CALR3: variants seen among roughly 807,000 people sequenced by gnomAD.
CALR3 encodes calreticulin 3.
In CALR3, 39 loss-of-function variants were observed where a neutral mutation model predicts 48.7. That is an observed-to-expected ratio of 0.80 (90% CI 0.62 to 1.05). The LOEUF (loss-of-function observed/expected upper bound fraction) is 1.05, where lower values mean the gene tolerates loss of function less well. CALR3 is among the 50% of genes least tolerant of loss of function. The probability of loss-of-function intolerance (pLI) is 0.00; values close to 1 mark genes in which losing one functional copy is unlikely to be tolerated. For missense variants in CALR3, 449 were observed against 474.7 expected (o/e 0.95, Z 0.50); for synonymous variants, 185 against 172.7 (o/e 1.07, Z -0.56).
At position 16,490,515 on chromosome 19, in the gene CALR3, C is replaced by T. The variant is rs570064234; in HGVS notation, c.249G>A (p.Pro83=). ...CCAGAGTTTTCCCTTTATTGCTGAA[C>T]GGTTTGAAGCGTGCAGAGATGGCAT... The part of the protein sequence containing the change: ...RFYAISARFK[P]FSNKGKTLVI... Residue 83 remains proline, a synonymous_variant, in exon 3 of 9, where the codon CCG becomes CCA. Coordinates refer to ENST00000269881, the MANE Select transcript of CALR3 (RefSeq NM_145046.5). 44 of 1,614,022 alleles carry T rather than the reference C, an allele frequency of 2.7e-5. No homozygotes were observed. Among genetic ancestry groups the T allele is most frequent in the Admixed American group, 5.0e-5 (3 of 59,992 alleles).
Position 16,483,948 on chromosome 19 carries a change from A to C in CALR3, c.660T>G (p.Thr220=). ...SPAESKDWEQ[T]KDNKAQDWEK... is the part of the protein sequence containing the mutation. ...TTCACACCTGGGCTTTGTTGTCTTT[A>C]GTCTGTTCCCAATCCTTCGATTCTG... The change falls in exon 5 of 9, where the codon ACT becomes ACG. Residue 220 remains threonine (T), a synonymous_variant. Transcript: ENST00000269881. 1 of 1,614,050 alleles carries C rather than the reference A, an allele frequency of 6.2e-7. No homozygotes were observed. The highest frequency in any genetic ancestry group is 1.1e-5 in the South Asian group (1 of 91,078).
rs1359761399 is a variant in CALR3 at position 16,495,763 on chromosome 19, CTT to C, written c.179_180del (p.Lys60ArgfsTer4). ...ATTCTACACTAACCTTTATCTTTCT[CTT>C]TATGACCATAAAACTTGCCCGACGA... ...RLSSGKFYGH[K>X]EKDKGLQTTQ... On this transcript the variant is annotated frameshift_variant, in exon 2 of 9. Transcript: ENST00000269881. LOFTEE classifies it high-confidence loss of function. The C allele has an allele frequency of 3.4e-5, 55 of 1,613,410 alleles. No individual in the cohort carries two copies. Among genetic ancestry groups the C allele is most frequent in the Non-Finnish European group, 4.6e-5 (54 of 1,179,436 alleles).
At chr19:16,480,875 G>T (rs1302582210) in intron 7 of CALR3, among the ~76,000 whole-genome samples, 169 bp from the exon 8 acceptor site, 1 of 152,012 alleles carries the variant, frequency 6.6e-6, no homozygotes, top group Non-Finnish European at 1.5e-5. Flanking sequence ...TCTGGGCTTG[G>T]CCAGGCGTGG....
intron 1 of CALR3, 37 bp downstream of exon 1, chr19:16,496,002 G>A (rs1354918278): frequency 6.4e-7 from 1 of 1,570,104 alleles, no homozygotes; most frequent in Non-Finnish European, 8.7e-7. Flanking sequence ...AGATGGGGGA[G>A]CTTACACCTC....
chr19:16,486,250 A>T (rs1177370588), intron 3 of CALR3, among the ~76,000 whole-genome samples: 1 of 151,038 alleles, frequency 6.6e-6, no homozygotes, highest in Non-Finnish European at 1.5e-5. Context: ...CAGGAAGTGG[A>T]GGTTGCAGTG....
chr19:16,479,091 A>G lies in CALR3; in HGVS notation c.*40T>C, dbSNP rs2093376049. On this transcript the variant is annotated 3_prime_UTR_variant, in exon 9 of 9. Transcript: ENST00000269881. The stretch of plus-strand genomic sequence containing the variant: ...GTTTGAAACATAGATTAAAGTAGCA[A>G]TGAGATTTTACCAGTCATCCTTATA... 3 of 1,611,150 alleles carry G rather than the reference A, an allele frequency of 1.9e-6. No individual in the cohort carries two copies. Among genetic ancestry groups the G allele is most frequent in the Non-Finnish European group, 8.5e-7 (1 of 1,177,464 alleles).
rs1226382801 is a variant in CALR3 at position 16,490,425 on chromosome 19, A to G, written c.339T>C (p.Phe113=). The part of the protein sequence containing the change: ...MDCGGGYIKV[F]PADIDQKNLN... The stretch of plus-strand genomic sequence containing the variant: ...GGTTCTTCTGGTCAATGTCTGCAGG[A>G]AAGACCTTAATGTAGCCCCCTCCAC... The change falls in exon 3 of 9, where the codon TTT becomes TTC. Residue 113 remains phenylalanine, a synonymous_variant. Transcript: ENST00000269881. 6.2e-7 allele frequency: 1 copy of G among 1,614,066 alleles called. No homozygotes were observed. Among genetic ancestry groups the G allele is most frequent in the Non-Finnish European group, 8.5e-7 (1 of 1,180,048 alleles).
intron 3 of CALR3, among the ~76,000 whole-genome samples, chr19:16,488,304 G>A (rs926911327): frequency 3.9e-5 from 6 of 151,984 alleles, no homozygotes; most frequent in Non-Finnish European, 7.4e-5. Context: ...AGCTGGTCTC[G>A]AACTCCTGGA....
intron 5 of CALR3, among the ~76,000 whole-genome samples, chr19:16,483,431 G>A (rs2093384057): frequency 6.6e-6 from 1 of 152,084 alleles, no homozygotes; most frequent in Admixed American, 6.6e-5. Flanking sequence ...AAAAGTGATG[G>A]TGATGGCCAG....
intron 3 of CALR3, among the ~76,000 whole-genome samples, chr19:16,487,706 C>T (rs192992408): frequency 1.1e-3 from 171 of 152,040 alleles, no homozygotes; most frequent in African/African-American, 3.9e-3. Flanking sequence ...GGTGCAATCT[C>T]GGCTAACCAT....
At chr19:16,494,237 A>G (rs545550545) in intron 2 of CALR3, among the ~76,000 whole-genome samples, 39 of 151,104 alleles carry the variant, frequency 2.6e-4, no homozygotes, top group Non-Finnish European at 5.6e-4. Context: ...ACTTTTTTGT[A>G]TTTTTGTGGA....
intron 6 of CALR3, 46 bp from the exon 7 acceptor site, chr19:16,482,627 C>A (rs371703371): frequency 1.2e-6 from 2 of 1,614,048 alleles, no homozygotes; most frequent in Non-Finnish European, 1.7e-6. Flanking sequence ...ACATGGGCAG[C>A]GGAGGGGCAG....
chr19:16,485,266 A>C lies in CALR3; in HGVS notation c.398-9T>G. The stretch of plus-strand genomic sequence containing the variant: ...TCCACAAATATCGGGTCCTACAAAA[A>C]AGATTAGCTGCTCTCAATTTCTTTC... On this transcript the variant is annotated splice_polypyrimidine_tract_variant and intron_variant, in intron 3 of 8. Coordinates refer to ENST00000269881, the MANE Select transcript of CALR3 (RefSeq NM_145046.5). 6.5e-7 allele frequency: 1 copy of C among 1,542,982 alleles called. No individual in the cohort carries two copies. The highest frequency in any genetic ancestry group is 9.0e-7 in the Non-Finnish European group (1 of 1,115,906).
intron 5 of CALR3, among the ~76,000 whole-genome samples, chr19:16,483,016 T>C (rs2093383527): frequency 6.6e-6 from 1 of 151,900 alleles, no homozygotes; most frequent in Admixed American, 6.6e-5. Context: ...GGCTACTATT[T>C]TTATGTTTTG....
intron 3 of CALR3, among the ~76,000 whole-genome samples, chr19:16,487,569 C>T (rs922556095): frequency 2.7e-4 from 40 of 150,746 alleles, no homozygotes; most frequent in African/African-American, 9.2e-4. Context: ...AGTGATCCTC[C>T]CTTGATGTTT....
chr19:16,485,055 C>T, intron 4 of CALR3, 108 bp downstream of exon 4: 1 of 782,198 alleles, frequency 1.3e-6, no homozygotes, highest in Non-Finnish European at 2.2e-6. Flanking sequence ...GGTATGTCTA[C>T]AAAGACCCAT....
chr19:16,496,116 A>G lies in CALR3; in HGVS notation c.14T>C (p.Leu5Ser). The G allele has an allele frequency of 6.2e-7, 1 of 1,603,586 alleles. No individual in the cohort carries two copies. The highest frequency in any genetic ancestry group is 1.1e-5 in the South Asian group (1 of 89,366). ...CATGCATATGGCCCAGAGCTGGACC[A>G]AAGCCCGGGCCATGGGGGTGTGCAC... MARA[L>S]VQLWAICMLR... is the part of the protein sequence containing the mutation. Residue 5 changes from leucine to serine, a missense_variant, in exon 1 of 9, where the codon TTG becomes TCG. Coordinates refer to ENST00000269881, the MANE Select transcript of CALR3 (RefSeq NM_145046.5).
At chr19:16,491,402 G>A (rs2093397850) in intron 2 of CALR3, among the ~76,000 whole-genome samples, 2 of 151,484 alleles carry the variant, frequency 1.3e-5, no homozygotes, top group African/African-American at 2.4e-5. Context: ...GATTACAGGC[G>A]TGAGCCACCG....
At chr19:16,492,417 G>A (rs1857910738) in intron 2 of CALR3, among the ~76,000 whole-genome samples, 1 of 151,576 alleles carries the variant, frequency 6.6e-6, no homozygotes, top group South Asian at 2.1e-4. Flanking sequence ...AGCCTGGGTG[G>A]CAGGGCGAAA....
Sources: gnomAD v4.1 joint callset for allele counts (sites outside exome capture counted in the v4.1 genomes callset) on GRCh38, gnomAD v4.1.1 for gene constraint, MANE v1.5 for transcripts, NCBI Gene and HGNC (gene_info 2026-07-23, HGNC 2026-07-21) for gene names.